Variants in TLE6 observed in about 807,000 individuals in gnomAD.
TLE6 encodes TLE family member 6, subcortical maternal complex member.
In TLE6, 72 loss-of-function variants were observed where a neutral mutation model predicts 77.1. The ratio of observed to expected loss-of-function variants is 0.93; its 90% CI spans 0.77 to 1.14. The LOEUF is 1.14. TLE6 is among the 50% of genes most tolerant of loss of function. The probability of loss-of-function intolerance (pLI) is 0.00; values close to 1 mark genes in which losing one functional copy is unlikely to be tolerated. For synonymous variants in TLE6, 366 were observed against 287.3 expected, an observed-to-expected ratio of 1.27 and a Z score of -2.77; for missense variants, 843 against 747.6, an observed-to-expected ratio of 1.13 and a Z score of -1.49.
At chr19:2,994,850 A>G in intron 16 of TLE6, 50 bp from the exon 17 acceptor site, 1 of 1,078,074 alleles carries the variant, frequency 9.3e-7, no homozygotes, top group Non-Finnish European at 1.4e-6. Context: ...GGTGGAGACC[A>G]GGGGTGTGTG....
At chr19:2,993,400 A>G (rs1355081683) in intron 14 of TLE6, 32 bp from the exon 15 acceptor site, 2 of 1,575,006 alleles carry the variant, frequency 1.3e-6, no homozygotes, top group Non-Finnish European at 1.7e-6. Context: ...GGACCTAACC[A>G]GGTTCCTCCC....
chr19:2,987,417 G>A (rs1467945403), intron 8 of TLE6, 45 bp downstream of exon 8: 3 of 1,612,110 alleles, frequency 1.9e-6, no homozygotes, highest in South Asian at 2.2e-5. Context: ...GGGCTTCCGG[G>A]CAGGCGGTTG....
chr19:2,980,178 C>A lies in TLE6; in HGVS notation c.130C>A (p.Pro44Thr). 6.5e-7 allele frequency: 1 copy of A among 1,547,192 alleles called. No individual in the cohort carries two copies. The highest frequency in any genetic ancestry group is 8.7e-7 in the Non-Finnish European group (1 of 1,144,256). ...CATTCTAAATCGGCTCAAGCAGTTC[C>A]CCAGGTGAGAGCAATTCCAGGGGCC... is the stretch of plus-strand genomic sequence containing the variant. Reference protein sequence around the residue: ...QGILNRLKQFPRFSPHFAAEL... With the variant: ...QGILNRLKQFTRFSPHFAAEL... The change falls in exon 3 of 17, where the codon CCC becomes ACC. Residue 44 changes from proline to threonine, a missense_variant. Transcript: ENST00000246112.
At position 2,986,071 on chromosome 19, in the gene TLE6, C is replaced by CAAA. The variant is rs547031586; in HGVS notation, c.223-721_223-719dup. Among the ~76,000 whole-genome samples, 39 of 41,276 alleles carry CAAA rather than the reference C, an allele frequency of 9.4e-4. 7 individuals are homozygous for CAAA. Among genetic ancestry groups the CAAA allele is most frequent in the South Asian group, 2.1e-3 (1 of 476 alleles). 27.1% of individuals were successfully genotyped at this position (41,276 alleles called of 152,430 possible). A position where few individuals can be genotyped will look rare whatever the true frequency, so the allele number is the denominator to read the frequency against. The stretch of plus-strand genomic sequence containing the variant: ...CCTGGGCCACAGCGTGAGACTGTCT[C>CAAA]AAAAAAAAAAAAAAAAAAAAAAAAA... On this transcript the variant is annotated intron_variant, in intron 5 of 16. Transcript: ENST00000246112.
At chr19:2,990,685 A>G (rs1028077816) in intron 13 of TLE6, among the ~76,000 whole-genome samples, 1 of 137,150 alleles carries the variant, frequency 7.3e-6, no homozygotes, top group African/African-American at 2.8e-5. Context: ...ATATACATAA[A>G]TATATACATA....
chr19:2,980,214 C>T lies in TLE6; in HGVS notation c.134+32C>T, dbSNP rs757781489. 43 of 1,530,254 alleles carry T rather than the reference C, an allele frequency of 2.8e-5. No homozygotes were observed. In the South Asian group the frequency reaches 4.3e-4, roughly 15 times the overall value. 94.8% of individuals were successfully genotyped at this position (1,530,254 alleles called of 1,614,324 possible). ...GCAATTCCAGGGGCCGGAGGTCTCACGCTGGGAAGGAGCCCCACCTGGCCT... is the reference window on the plus strand; with the variant it reads ...GCAATTCCAGGGGCCGGAGGTCTCATGCTGGGAAGGAGCCCCACCTGGCCT... On this transcript the variant is annotated intron_variant, in intron 3 of 16. Transcript: ENST00000246112.
At position 2,988,110 on chromosome 19, in the gene TLE6, C is replaced by T; in HGVS notation, c.722C>T (p.Ser241Phe). The change falls in exon 11 of 17, where the codon TCT (serine) becomes TTT (phenylalanine). Residue 241 changes from serine (S) to phenylalanine (F), a missense_variant. Coordinates refer to ENST00000246112, the MANE Select transcript of TLE6 (RefSeq NM_001143986.2). ...CTGCAGGAGCCTCCTGGAAGAGCCT[C>T]TCGGTTTCTACAGTCCATGTAAGTG... is the stretch of plus-strand genomic sequence containing the variant. ...GVVQEPPGRASRFLQSISWDP... is the reference protein window; with the variant it reads ...GVVQEPPGRAFRFLQSISWDP... The T allele has an allele frequency of 1.3e-6, 2 of 1,551,966 alleles. No homozygotes were observed. Among genetic ancestry groups the T allele is most frequent in the African/African-American group, 1.4e-5 (1 of 73,166 alleles).
Position 2,987,928 on chromosome 19 carries a change from C to T in TLE6, c.656C>T (p.Pro219Leu), listed in dbSNP as rs778120083. The change falls in exon 10 of 17, where the codon CCC becomes CTC. Residue 219 changes from proline (P) to leucine (L), a missense_variant. Physicochemically the swap from Pro to Leu is moderately conservative, Grantham distance 98. Transcript: ENST00000246112. ...AGGCCACCTGAGGCCTCCTCCAGTC[C>T]CCCTGAGGGTTCCCAAGACAGGAAC... ...TPRPPEASSS[P>L]PEGSQDRNTS... 1.9e-6 allele frequency: 3 copies of T among 1,610,190 alleles called. No individual in the cohort carries two copies. The highest frequency in any genetic ancestry group is 1.7e-5 in the Admixed American group (1 of 59,780).
At position 2,995,065 on chromosome 19, in the gene TLE6, C is replaced by G. The variant is rs75006494; in HGVS notation, c.*61C>G. ...TTTTCATCCCCCCCCTTCCCCCCCC[C>G]CAACAAGGGGGACATGGTGGAGGGA... On this transcript the variant is annotated 3_prime_UTR_variant, in exon 17 of 17. Coordinates refer to ENST00000246112, the MANE Select transcript of TLE6 (RefSeq NM_001143986.2). The G allele has an allele frequency of 6.1e-5, 63 of 1,025,534 alleles. No homozygotes were observed. The highest frequency in any genetic ancestry group is 5.5e-4 in the African/African-American group (35 of 63,246). 63.5% of individuals were successfully genotyped at this position (1,025,534 alleles called of 1,614,324 possible). A position where few individuals can be genotyped will look rare whatever the true frequency, so the allele number is the denominator to read the frequency against.
chr19:2,980,844 G>A (rs1245110000), intron 3 of TLE6, among the ~76,000 whole-genome samples: 1 of 151,650 alleles, frequency 6.6e-6, no homozygotes, highest in Non-Finnish European at 1.5e-5. Flanking sequence ...TGAGCCCGGA[G>A]TTCAATACCA....
At chr19:2,989,500 G>C (rs766740108) in intron 12 of TLE6, 35 bp from the exon 13 acceptor site, 1 of 1,593,402 alleles carries the variant, frequency 6.3e-7, no homozygotes, top group South Asian at 1.1e-5. Context: ...AATGCCACGG[G>C]GGGCGACAGC....
chr19:2,978,165 C>T (rs1440817862), intron 1 of TLE6, 33 bp from the exon 2 acceptor site: 15 of 1,497,796 alleles, frequency 1.0e-5, no homozygotes, highest in Middle Eastern at 1.7e-4. Flanking sequence ...TATTTTCTGT[C>T]CCTCAAGACC....
chr19:2,992,137 A>G (rs1003738556), intron 14 of TLE6, among the ~76,000 whole-genome samples, 153 bp downstream of exon 14: 1 of 152,042 alleles, frequency 6.6e-6, no homozygotes, highest in Non-Finnish European at 1.5e-5. Context: ...GGAGTTTGAG[A>G]CCAGCGTGGC....
chr19:2,982,110 G>C (rs1458661097), intron 4 of TLE6, 38 bp from the exon 5 acceptor site: 1 of 1,551,276 alleles, frequency 6.4e-7, no homozygotes, highest in Middle Eastern at 1.7e-4. Flanking sequence ...TTCACACCCG[G>C]ACCACCTCCC....
intron 5 of TLE6, among the ~76,000 whole-genome samples, chr19:2,985,407 T>C (rs2088886309): frequency 7.2e-6 from 1 of 139,836 alleles, no homozygotes; most frequent in South Asian, 2.4e-4. Flanking sequence ...GCCTTTTTTT[T>C]TTTTTTTTTT....
At chr19:2,989,370 GT>G in intron 12 of TLE6, 57 bp downstream of exon 12, 1 of 1,601,362 alleles carries the variant, frequency 6.2e-7, no homozygotes, top group African/African-American at 1.3e-5. Context: ...GGGGTTTGAG[GT>G]TTGAGTCTGG....
intron 2 of TLE6, among the ~76,000 whole-genome samples, chr19:2,979,735 T>G: frequency 6.8e-6 from 1 of 147,958 alleles, no homozygotes; most frequent in Non-Finnish European, 1.5e-5. Context: ...GGTCAGGAGG[T>G]TGAGACCAGC....
intron 15 of TLE6, among the ~76,000 whole-genome samples, 194 bp downstream of exon 15, chr19:2,993,776 C>T (rs1487736213): frequency 6.6e-6 from 1 of 151,610 alleles, no homozygotes; most frequent in African/African-American, 2.4e-5. Context: ...TTCCTCCCCA[C>T]CCGCCCCACC....
At position 2,989,783 on chromosome 19, in the gene TLE6, C is replaced by A. The variant is rs747402604; in HGVS notation, c.1242C>A (p.Val414=). 2 of 1,612,208 alleles carry A rather than the reference C, an allele frequency of 1.2e-6. No individual in the cohort carries two copies. The highest frequency in any genetic ancestry group is 1.7e-6 in the Non-Finnish European group (2 of 1,178,766). The part of the protein sequence containing the change: ...RIWDLRDQSV[V]RDLKGYPDGV... ...GGGACCTGCGGGATCAGAGTGTGGT[C>A]AGGTGCGTTTGGGGGGTGGGAAGGG... Residue 414 remains valine (V), a splice_region_variant and synonymous_variant, in exon 13 of 17, where the codon GTC becomes GTA. Transcript: ENST00000246112.
Sources: allele counts gnomAD v4.1 joint callset (sites outside exome capture counted in the v4.1 genomes callset), GRCh38; gene constraint gnomAD v4.1.1; transcripts MANE v1.5; gene names NCBI Gene and HGNC (gene_info 2026-07-23, HGNC 2026-07-21).